ZMYND8: variants seen among roughly 807,000 people sequenced by gnomAD.
ZMYND8 encodes the protein MYND-type zinc finger-containing chromatin reader ZMYND8.
ZMYND8 carries 37 observed loss-of-function variants against 140.8 expected under a neutral mutation model. The ratio of observed to expected loss-of-function variants is 0.26; its 90% CI spans 0.20 to 0.35. The LOEUF is 0.35. Among genes scored for constraint, ZMYND8 ranks in the 10% least tolerant of loss-of-function variants. The pLI, the probability that ZMYND8 is intolerant of heterozygous loss-of-function variation, is 1.00. For synonymous variants in ZMYND8, 592 were observed against 597.1 expected (o/e 0.99, Z 0.12); for missense variants, 1,068 against 1,570.0 (o/e 0.68, Z 5.40).
At chr20:47,322,441 T>TC (rs1256564168) in intron 2 of ZMYND8, among the ~76,000 whole-genome samples, 1 of 149,300 alleles carries the variant, frequency 6.7e-6, no homozygotes, top group African/African-American at 2.5e-5. Context: ...GGCATTTCTT[T>TC]TTTTTTTTTT....
At chr20:47,295,068 T>C (rs2148021086) in intron 4 of ZMYND8, among the ~76,000 whole-genome samples, 1 of 152,310 alleles carries the variant, frequency 6.6e-6, no homozygotes, top group East Asian at 1.9e-4. Flanking sequence ...TCATCATTAT[T>C]ATAACCTTTA....
intron 21 of ZMYND8, among the ~76,000 whole-genome samples, chr20:47,213,328 T>TGATA (rs1318424615): frequency 6.6e-6 from 1 of 152,172 alleles, no homozygotes; most frequent in Non-Finnish European, 1.5e-5. Flanking sequence ...CGTAAACAGC[T>TGATA]GATACCGTGA....
chr20:47,268,371 G>A (rs1197623932), intron 11 of ZMYND8, among the ~76,000 whole-genome samples: 1 of 145,798 alleles, frequency 6.9e-6, no homozygotes, highest in Non-Finnish European at 1.5e-5. Flanking sequence ...TCGGCTCACT[G>A]CAGGCTCCGC....
At chr20:47,297,924 C>T (rs1036973914) in intron 4 of ZMYND8, among the ~76,000 whole-genome samples, 5 of 152,272 alleles carry the variant, frequency 3.3e-5, no homozygotes, top group East Asian at 1.9e-4. Flanking sequence ...CACACTGCCC[C>T]GACTACGCCC....
rs2073966578 is a variant in ZMYND8 at position 47,249,142 on chromosome 20, T to C, written c.1774+145A>G. ...TGAAGTCTTTTGCCATGAGTGGAAA[T>C]ATATTTTAGCTGAGCAAATAGTTGA... On this transcript the variant is annotated intron_variant, in intron 13 of 22. Coordinates refer to ENST00000471951, the MANE Select transcript of ZMYND8 (RefSeq NM_001281775.3). 11 of 980,990 alleles carry C rather than the reference T, an allele frequency of 1.1e-5. No individual in the cohort carries two copies. The South Asian group carries it at 2.0e-4, about 18-fold the overall frequency. The allele number at this position is 980,990 out of a possible 1,614,324, so 60.8% of individuals were successfully genotyped here.
At chr20:47,260,414 C>T (rs934797085) in intron 12 of ZMYND8, among the ~76,000 whole-genome samples, 1 of 152,158 alleles carries the variant, frequency 6.6e-6, no homozygotes, top group African/African-American at 2.4e-5. Flanking sequence ...TGGCCTCACC[C>T]TCACTCACTG....
intron 8 of ZMYND8, among the ~76,000 whole-genome samples, chr20:47,286,906 G>C (rs955511927): frequency 3.3e-5 from 5 of 152,168 alleles, no homozygotes; most frequent in African/African-American, 1.2e-4. Flanking sequence ...AACAATACCA[G>C]GCTGTGGGGC....
chr20:47,218,675 A>G (rs898919284), intron 21 of ZMYND8, among the ~76,000 whole-genome samples: 56 of 152,310 alleles, frequency 3.7e-4, no homozygotes, highest in African/African-American at 1.3e-3. Context: ...TCTTAGCACT[A>G]AACTGAGCCT....
At chr20:47,295,590 G>A (rs2077584907) in intron 4 of ZMYND8, among the ~76,000 whole-genome samples, 2 of 152,162 alleles carry the variant, frequency 1.3e-5, no homozygotes, top group Admixed American at 6.5e-5. Flanking sequence ...AGATTACAAG[G>A]GAAAGCAGTG....
At chr20:47,277,696 A>G (rs2076342812) in intron 10 of ZMYND8, among the ~76,000 whole-genome samples, 1 of 148,340 alleles carries the variant, frequency 6.7e-6, no homozygotes, top group Non-Finnish European at 1.5e-5. Flanking sequence ...TATTTGAGAC[A>G]GTCTCGCTCT....
At chr20:47,318,715 G>A (rs1346530850) in intron 2 of ZMYND8, 13 of 458,786 alleles carry the variant, frequency 2.8e-5, no homozygotes, top group South Asian at 4.6e-5. Flanking sequence ...CAGAGCTGCC[G>A]GGCTGAGCCC....
intron 19 of ZMYND8, among the ~76,000 whole-genome samples, 163 bp downstream of exon 19, chr20:47,224,154 A>G (rs571193784): frequency 6.6e-6 from 1 of 152,360 alleles, no homozygotes; most frequent in Non-Finnish European, 1.5e-5. Context: ...ATGTGCCTGC[A>G]CACTGCTCAC....
intron 14 of ZMYND8, among the ~76,000 whole-genome samples, chr20:47,241,411 A>G (rs2039956023): frequency 6.6e-6 from 1 of 152,198 alleles, no homozygotes; most frequent in African/African-American, 2.4e-5. Context: ...AAACGCTGCC[A>G]TATGGAGTAT....
intron 1 of ZMYND8, chr20:47,349,821 AG>A (rs2082624585): frequency 6.5e-7 from 1 of 1,533,276 alleles, no homozygotes; most frequent in Admixed American, 2.0e-5. Flanking sequence ...TACAGTGGTG[AG>A]GGAAACAATT....
intron 2 of ZMYND8, among the ~76,000 whole-genome samples, chr20:47,332,984 T>C (rs2081074272): frequency 6.6e-6 from 1 of 152,104 alleles, no homozygotes; most frequent in Admixed American, 6.6e-5. Context: ...TAAAAGGAAA[T>C]GAACTACAGA....
intron 20 of ZMYND8, among the ~76,000 whole-genome samples, chr20:47,220,733 A>G (rs569971747): frequency 6.6e-6 from 1 of 152,362 alleles, no homozygotes; most frequent in East Asian, 1.9e-4. Context: ...TTTAACTGAC[A>G]GTCTAACGAT....
chr20:47,307,719 G>A (rs930770692), intron 3 of ZMYND8, among the ~76,000 whole-genome samples: 2 of 151,598 alleles, frequency 1.3e-5, no homozygotes, highest in Non-Finnish European at 2.9e-5. Context: ...TTCCAGCTAC[G>A]TGGAGGCTGA....
rs1428824834 is a variant in ZMYND8, at chr20:47,356,427, G to A, written c.14+230C>T. On this transcript the variant is annotated intron_variant, in intron 1 of 22. Transcript: ENST00000471951. Reference sequence around the variant, plus strand: ...CCAGAAACACCATGCCCTGGTGGAAGGAAAGGTGTGCCAGGCCCTTGCCAG... The same window carrying A: ...CCAGAAACACCATGCCCTGGTGGAAAGAAAGGTGTGCCAGGCCCTTGCCAG... The A allele has an allele frequency of 1.0e-5, 16 of 1,539,144 alleles. No homozygotes were observed. In the South Asian group the frequency reaches 1.3e-4, roughly 13 times the overall value.
chr20:47,356,449 C>G (rs1335712511), intron 1 of ZMYND8: 2 of 1,547,022 alleles, frequency 1.3e-6, no homozygotes, highest in South Asian at 1.2e-5. Flanking sequence ...CAGGCCCTTG[C>G]CAGTTTGCAA....
Sources: allele counts gnomAD v4.1 joint callset (sites outside exome capture counted in the v4.1 genomes callset), GRCh38; gene constraint gnomAD v4.1.1; transcripts MANE v1.5; gene names NCBI Gene and HGNC (gene_info 2026-07-23, HGNC 2026-07-21).